Variants in RAPGEF4 observed in about 807,000 individuals in gnomAD.
RAPGEF4 encodes Rap guanine nucleotide exchange factor 4, also known as RAP guanine-nucleotide-exchange factor (GEF) 4.
RAPGEF4 carries 66 observed loss-of-function variants against 147.9 expected under a neutral mutation model. That is an observed-to-expected ratio of 0.45 (90% CI 0.37 to 0.55). The LOEUF (loss-of-function observed/expected upper bound fraction) is 0.55. Ranked by LOEUF, RAPGEF4 falls within the 20% of genes least tolerant of loss-of-function variation. The pLI, the probability that RAPGEF4 is intolerant of heterozygous loss-of-function variation, is 0.00. For missense variants in RAPGEF4, 1,071 were observed against 1,257.3 expected (o/e 0.85, Z 2.24); for synonymous variants, 419 against 442.7 (o/e 0.95, Z 0.67).
chr2:172,983,609 G>C (rs1041034659), intron 11 of RAPGEF4, 29 bp downstream of exon 11: 3 of 1,609,230 alleles, frequency 1.9e-6, no homozygotes, highest in African/African-American at 2.7e-5. Flanking sequence ...TAGCATGGTT[G>C]GAGCACTTTG....
chr2:172,981,663 A>AT (rs1691698754), intron 10 of RAPGEF4, among the ~76,000 whole-genome samples: 2 of 152,224 alleles, frequency 1.3e-5, no homozygotes, highest in Admixed American at 1.3e-4. Flanking sequence ...AGAGAACGTT[A>AT]TAATATTCTT....
At chr2:172,960,052 C>T (rs1689127827) in intron 6 of RAPGEF4, among the ~76,000 whole-genome samples, 1 of 152,000 alleles carries the variant, frequency 6.6e-6, no homozygotes, top group African/African-American at 2.4e-5. Flanking sequence ...AGGATCACAC[C>T]ACTGCACTCC....
intron 3 of RAPGEF4, among the ~76,000 whole-genome samples, chr2:172,800,790 C>G (rs1158455431): frequency 6.6e-6 from 1 of 152,134 alleles, no homozygotes; most frequent in African/African-American, 2.4e-5. Flanking sequence ...ACTTTAAGGT[C>G]TACTGATTGT....
chr2:172,902,531 G>A (rs528806521), intron 4 of RAPGEF4, among the ~76,000 whole-genome samples: 1 of 152,126 alleles, frequency 6.6e-6, no homozygotes. Flanking sequence ...TCGATGCCTG[G>A]ATCTTTAAGC....
chr2:172,987,906 A>T (rs910591110), intron 12 of RAPGEF4, among the ~76,000 whole-genome samples: 1 of 152,230 alleles, frequency 6.6e-6, no homozygotes, highest in Non-Finnish European at 1.5e-5. Context: ...AGTTTTAATG[A>T]ATTGTGGAAG....
At chr2:172,907,157 C>A (rs191146971) in intron 4 of RAPGEF4, among the ~76,000 whole-genome samples, 2 of 152,178 alleles carry the variant, frequency 1.3e-5, no homozygotes, top group African/African-American at 4.8e-5. Flanking sequence ...TGAGGTAGAC[C>A]AGGTTTCAAC....
At chr2:173,029,257 T>C (rs1267018323) in intron 25 of RAPGEF4, among the ~76,000 whole-genome samples, 1 of 152,230 alleles carries the variant, frequency 6.6e-6, no homozygotes, top group Non-Finnish European at 1.5e-5. Context: ...TGCAACAATT[T>C]AGTCTTTTTC....
At chr2:172,885,024 C>G (rs1575132033) in intron 4 of RAPGEF4, among the ~76,000 whole-genome samples, 1 of 152,232 alleles carries the variant, frequency 6.6e-6, no homozygotes, top group Non-Finnish European at 1.5e-5. Context: ...CTGAAGGCCT[C>G]CCATTTCAAG....
chr2:172,883,141 T>C (rs1323594413), intron 4 of RAPGEF4, among the ~76,000 whole-genome samples: 1 of 152,164 alleles, frequency 6.6e-6, no homozygotes. Context: ...GGCTAGACTT[T>C]GTCTTAGTCT....
chr2:172,952,116 T>G (rs1217209374), intron 6 of RAPGEF4, among the ~76,000 whole-genome samples: 2 of 152,138 alleles, frequency 1.3e-5, no homozygotes, highest in Admixed American at 1.3e-4. Flanking sequence ...GCTCAAGTGA[T>G]CCTCCTGCTT....
intron 4 of RAPGEF4, among the ~76,000 whole-genome samples, chr2:172,817,603 G>C (rs1480428019): frequency 1.3e-5 from 2 of 152,092 alleles, no homozygotes; most frequent in Admixed American, 1.3e-4. Context: ...AATCATCACT[G>C]AACAGTAAGA....
chr2:172,749,803 A>G (rs888079205), intron 1 of RAPGEF4, among the ~76,000 whole-genome samples: 4 of 152,168 alleles, frequency 2.6e-5, no homozygotes, highest in African/African-American at 9.7e-5. Flanking sequence ...TTAAAACTGA[A>G]TGTTTTTAAT....
intron 6 of RAPGEF4, among the ~76,000 whole-genome samples, chr2:172,934,170 G>T (rs138221101): frequency 3.5e-3 from 214 of 61,960 alleles, no homozygotes; most frequent in African/African-American, 8.2e-3. Flanking sequence ...TTTTTTTTGC[G>T]TCAGTGTCTT....
intron 1 of RAPGEF4, among the ~76,000 whole-genome samples, chr2:172,763,014 C>G (rs1696493164): frequency 6.6e-6 from 1 of 152,160 alleles, no homozygotes; most frequent in Non-Finnish European, 1.5e-5. Context: ...GCTTATTTAA[C>G]TTATTTTTTG....
Position 172,960,746 on chromosome 2 carries a change from AT to A in RAPGEF4, c.538-10del. 1 of 1,587,838 alleles carries A rather than the reference AT, an allele frequency of 6.3e-7. No individual in the cohort carries two copies. Among genetic ancestry groups the A allele is most frequent in the Non-Finnish European group, 8.6e-7 (1 of 1,164,198 alleles). On this transcript the variant is annotated splice_polypyrimidine_tract_variant and intron_variant, in intron 6 of 30. Coordinates refer to ENST00000397081, the MANE Select transcript of RAPGEF4 (RefSeq NM_007023.4). ...TTGTTTAATTTTCTTTTGCTTTAACATTTTATTTTTCAGACACCTCTCATTG... is the reference window on the plus strand; with the variant it reads ...TTGTTTAATTTTCTTTTGCTTTAACATTTATTTTTCAGACACCTCTCATTG...
intron 4 of RAPGEF4, among the ~76,000 whole-genome samples, chr2:172,893,432 A>G (rs779151630): frequency 5.9e-5 from 9 of 152,220 alleles, no homozygotes; most frequent in Non-Finnish European, 1.0e-4. Flanking sequence ...CATCATGGGC[A>G]CAGTAACAAC....
At chr2:172,945,640 G>A (rs1687608609) in intron 6 of RAPGEF4, among the ~76,000 whole-genome samples, 1 of 151,952 alleles carries the variant, frequency 6.6e-6, no homozygotes, top group Admixed American at 6.5e-5. Flanking sequence ...TTTTTTCATG[G>A]TAATTATTTT....
chr2:172,996,659 G>T (rs1659349182), intron 16 of RAPGEF4, 105 bp downstream of exon 16: 2 of 766,010 alleles, frequency 2.6e-6, no homozygotes, highest in South Asian at 3.5e-5. Flanking sequence ...TTTGGGAAGG[G>T]GATTCTGTGT....
At position 172,878,180 on chromosome 2, in the gene RAPGEF4, G is replaced by A. The variant is rs183703600; in HGVS notation, c.445-39622G>A. ...GGTGGTAAAGTGGAACTAGAGATGG[G>A]GGAAGTGATGCTGTGGTTATTCTTC... On this transcript the variant is annotated intron_variant, in intron 4 of 30. Coordinates refer to ENST00000397081, the MANE Select transcript of RAPGEF4 (RefSeq NM_007023.4). Among the ~76,000 whole-genome samples the A allele has an allele frequency of 1.6e-3, 241 of 152,300 alleles. 2 individuals are homozygous for A. The highest frequency in any genetic ancestry group is 5.7e-3 in the African/African-American group (237 of 41,558).
Sources: allele counts gnomAD v4.1 joint callset (sites outside exome capture counted in the v4.1 genomes callset), GRCh38; gene constraint gnomAD v4.1.1; transcripts MANE v1.5; gene names NCBI Gene and HGNC (gene_info 2026-07-23, HGNC 2026-07-21).